Variants in EIF4G3 observed in about 807,000 individuals in gnomAD.
The protein encoded by EIF4G3 is eIF-4-gamma 3.
A neutral mutation model predicts 186.4 loss-of-function variants in EIF4G3; 34 were observed. The observed-to-expected ratio is 0.18, with a 90% CI of 0.14 to 0.24. The LOEUF (loss-of-function observed/expected upper bound fraction) is 0.24, where lower values mean the gene tolerates loss of function less well. Ranked by LOEUF, EIF4G3 falls within the 10% of genes least tolerant of loss-of-function variation. The pLI is 1.00. For synonymous variants in EIF4G3, 673 were observed against 679.5 expected, an observed-to-expected ratio of 0.99 and a Z score of 0.15; for missense variants, 1,536 against 1,948.5, an observed-to-expected ratio of 0.79 and a Z score of 3.99.
At chr1:20,994,776 G>A (rs370188667) in intron 7 of EIF4G3, among the ~76,000 whole-genome samples, 2 of 151,510 alleles carry the variant, frequency 1.3e-5, no homozygotes, top group East Asian at 1.9e-4. Context: ...CTACAGGCAT[G>A]CACAACCACA....
intron 18 of EIF4G3, 78 bp from the exon 19 acceptor site, chr1:20,886,449 G>A (rs1038983266): frequency 3.5e-6 from 5 of 1,412,248 alleles, no homozygotes; most frequent in Middle Eastern, 3.7e-4. Context: ...CAAGTCTGAT[G>A]ACTACGCCAA....
At chr1:20,869,314 T>TC (rs2078457988) in intron 20 of EIF4G3, among the ~76,000 whole-genome samples, 1 of 145,952 alleles carries the variant, frequency 6.9e-6, no homozygotes, top group Non-Finnish European at 1.5e-5. Flanking sequence ...AAATTTTTTT[T>TC]TTTTTTTTTT....
intron 3 of EIF4G3, among the ~76,000 whole-genome samples, chr1:21,066,294 G>GA (rs11330786): frequency 9.0e-4 from 125 of 138,188 alleles, no homozygotes; most frequent in African/African-American, 3.2e-3. Flanking sequence ...ACTCCTGGAG[G>GA]AAAAAAAAAA....
At position 21,037,236 on chromosome 1, in the gene EIF4G3, G is replaced by GA. The variant is rs111345588; in HGVS notation, c.-67+13629dup. Among the ~76,000 whole-genome samples the GA allele has an allele frequency of 3.7e-3, 396 of 107,744 alleles. 2 individuals carry two copies. Among genetic ancestry groups the GA allele is most frequent in the African/African-American group, 8.9e-3 (227 of 25,472 alleles). The allele number at this position is 107,744 out of a possible 152,430, so 70.7% of individuals were successfully genotyped here. A position where few individuals can be genotyped will look rare whatever the true frequency, so the allele number is the denominator to read the frequency against. On this transcript the variant is annotated intron_variant, in intron 4 of 36. Transcript: ENST00000602326. ...AATTAACAGTACCAGTCAGAAAAAG[G>GA]AAAAAAAAAAAAAAAAGCTATTGCG...
intron 12 of EIF4G3, among the ~76,000 whole-genome samples, chr1:20,963,335 A>T (rs754478481): frequency 6.6e-5 from 10 of 152,012 alleles, no homozygotes; most frequent in Non-Finnish European, 8.8e-5. Flanking sequence ...ACTGAAAAAA[A>T]TTATCATATA....
Position 20,813,150 on chromosome 1 carries a change from T to A in EIF4G3, c.4597+8A>T. 1.3e-6 allele frequency: 2 copies of A among 1,591,278 alleles called. No homozygotes were observed. The highest frequency in any genetic ancestry group is 4.5e-5 in the East Asian group (2 of 44,762). On this transcript the variant is annotated splice_region_variant and intron_variant, in intron 35 of 36. Coordinates refer to ENST00000602326, the MANE Select transcript of EIF4G3 (RefSeq NM_001391906.1). ...ATGTTATGAGCTGCCTTCAGAAATGTTACTTACCTATAATAGCTGCTTTAC... is the reference window on the plus strand; with the variant it reads ...ATGTTATGAGCTGCCTTCAGAAATGATACTTACCTATAATAGCTGCTTTAC...
chr1:21,012,468 C>T (rs1319762721), intron 4 of EIF4G3, among the ~76,000 whole-genome samples: 2 of 152,152 alleles, frequency 1.3e-5, no homozygotes, highest in African/African-American at 4.8e-5. Context: ...TGTGTATCTG[C>T]TTCAAAAACA....
Position 20,851,322 on chromosome 1 carries a change from G to A in EIF4G3, c.3708C>T (p.Leu1236=), listed in dbSNP as rs145247196. The change falls in exon 28 of 37, where the codon CTC becomes CTT. Residue 1236 remains leucine, a synonymous_variant. Coordinates refer to ENST00000602326, the MANE Select transcript of EIF4G3 (RefSeq NM_001391906.1). ...TCCTCTCCACATCCACACCTCCTGT[G>A]AGCTGCTTCACGGTCTCCAGCATCT... is the stretch of plus-strand genomic sequence containing the variant. ...RREMLETVKQ[L]TGGVDVERNS... 2.5e-6 allele frequency: 4 copies of A among 1,614,042 alleles called. No individual in the cohort carries two copies. The highest frequency in any genetic ancestry group is 3.4e-6 in the Non-Finnish European group (4 of 1,180,022).
chr1:21,123,609 C>T (rs1177339687), intron 2 of EIF4G3, among the ~76,000 whole-genome samples: 1 of 150,550 alleles, frequency 6.6e-6, no homozygotes, highest in East Asian at 1.9e-4. Context: ...TAGATCAGAG[C>T]ATTTGGGCCA....
chr1:21,016,050 C>A (rs1256865708), intron 4 of EIF4G3, among the ~76,000 whole-genome samples: 1 of 152,060 alleles, frequency 6.6e-6, no homozygotes, highest in Non-Finnish European at 1.5e-5. Context: ...GTTCATAAGT[C>A]CAGTTTTTAT....
intron 2 of EIF4G3, among the ~76,000 whole-genome samples, chr1:21,122,098 A>G (rs1371286524): frequency 6.6e-6 from 1 of 152,204 alleles, no homozygotes; most frequent in Non-Finnish European, 1.5e-5. Context: ...CAAAGCCTAT[A>G]GCCACCATCC....
intron 17 of EIF4G3, among the ~76,000 whole-genome samples, chr1:20,895,127 T>C (rs1026620492): frequency 6.6e-6 from 1 of 152,006 alleles, no homozygotes; most frequent in Middle Eastern, 3.4e-3. Context: ...AATAAGCAGA[T>C]AAATCAATAA....
intron 14 of EIF4G3, among the ~76,000 whole-genome samples, chr1:20,905,351 A>G (rs560680528): frequency 2.6e-5 from 4 of 152,240 alleles, no homozygotes; most frequent in Non-Finnish European, 5.9e-5. Flanking sequence ...AGGCCCCTAC[A>G]TTACTCAGCT....
chr1:21,080,024 G>A (rs965959679), intron 3 of EIF4G3, among the ~76,000 whole-genome samples: 2 of 151,746 alleles, frequency 1.3e-5, no homozygotes, highest in East Asian at 3.9e-4. Flanking sequence ...GGTGGTGGGT[G>A]CCTGTAATCC....
chr1:20,943,373 A>G (rs925956112), intron 13 of EIF4G3, among the ~76,000 whole-genome samples: 25 of 152,346 alleles, frequency 1.6e-4, no homozygotes, highest in Middle Eastern at 3.4e-3. Context: ...CGGAGAGAGA[A>G]GAGAAGCTGG....
chr1:20,873,372 T>C (rs1480655773), intron 20 of EIF4G3, among the ~76,000 whole-genome samples: 2 of 152,266 alleles, frequency 1.3e-5, no homozygotes, highest in Non-Finnish European at 2.9e-5. Flanking sequence ...TGGTTGTGTA[T>C]ATACCTAAGA....
intron 12 of EIF4G3, among the ~76,000 whole-genome samples, chr1:20,962,761 T>C (rs1281041454): frequency 3.3e-5 from 5 of 152,214 alleles, no homozygotes; most frequent in Non-Finnish European, 7.3e-5. Context: ...TGGAGATGAT[T>C]AGTGTCACAG....
intron 30 of EIF4G3, among the ~76,000 whole-genome samples, chr1:20,834,133 A>G (rs1235020200): frequency 6.6e-6 from 1 of 152,106 alleles, no homozygotes; most frequent in East Asian, 1.9e-4. Context: ...CAATCAAAAG[A>G]CTGAGTGGCT....
chr1:21,143,363 G>A (rs2097374470), intron 2 of EIF4G3, among the ~76,000 whole-genome samples: 6 of 143,938 alleles, frequency 4.2e-5, no homozygotes, highest in Admixed American at 7.0e-5. Flanking sequence ...AGAAAGAGAA[G>A]GAAAGGAAAG....
Sources: allele counts gnomAD v4.1 joint callset (sites outside exome capture counted in the v4.1 genomes callset), GRCh38; gene constraint gnomAD v4.1.1; transcripts MANE v1.5; gene names NCBI Gene and HGNC (gene_info 2026-07-23, HGNC 2026-07-21).